Variants in DMD observed in about 807,000 individuals in gnomAD.
DMD encodes mutant dystrophin.
A neutral mutation model predicts 330.1 loss-of-function variants in DMD; 63 were observed. That is an observed-to-expected ratio of 0.19 (90% CI 0.16 to 0.24). The LOEUF is 0.24. Among genes scored for constraint, DMD ranks in the 10% least tolerant of loss-of-function variants. The probability of loss-of-function intolerance (pLI) is 1.00; values close to 1 mark genes in which losing one functional copy is unlikely to be tolerated. For missense variants in DMD, 3,344 were observed against 2,684.1 expected, an observed-to-expected ratio of 1.25 and a Z score of -5.43; for synonymous variants, 1,223 against 959.8, an observed-to-expected ratio of 1.27 and a Z score of -5.07.
At chrX:32,738,448 T>G (rs1490801377) in intron 7 of DMD, among the ~76,000 whole-genome samples, 1 of 111,781 alleles carries the variant, frequency 8.9e-6, no homozygotes, top group Non-Finnish European at 1.9e-5. Flanking sequence ...GCTTCTACAT[T>G]TTAATGTACA....
intron 1 of DMD, among the ~76,000 whole-genome samples, chrX:33,206,511 A>G (rs1218215702): frequency 9.0e-6 from 1 of 111,610 alleles, no homozygotes; most frequent in Non-Finnish European, 1.9e-5. Flanking sequence ...AGAAGGCAAA[A>G]GATCACAAAA....
At chrX:33,119,493 C>T (rs766022633) in intron 1 of DMD, among the ~76,000 whole-genome samples, 4 of 111,928 alleles carry the variant, frequency 3.6e-5, no homozygotes, top group South Asian at 3.7e-4. Context: ...TATTCAGTGG[C>T]GATCAAGGCA....
At chrX:31,347,234 A>G (rs1406723435) in intron 61 of DMD, among the ~76,000 whole-genome samples, 10 of 110,400 alleles carry the variant, frequency 9.1e-5, no homozygotes, top group African/African-American at 3.3e-4. Context: ...TCATTTGTCT[A>G]TGTATTGGGA....
Position 32,348,411 on chromosome X carries a change from C to A in DMD, c.5443G>T (p.Asp1815Tyr), listed in dbSNP as rs759794196. The change falls in exon 38 of 79, where the codon GAT becomes TAT. Residue 1815 changes from aspartate (D) to tyrosine (Y), a missense_variant. By Grantham distance (160) the Asp-to-Tyr change is radical. Coordinates refer to ENST00000357033, the MANE Select transcript of DMD (RefSeq NM_004006.3). ...VNLKEEDFNK[D>Y]MNEDNEGTVK... is the part of the protein sequence containing the mutation. ...TTTTATCACAACCAATTTACCATAT[C>A]TTTATTGAAGTCTTCCTCTTTCAGA... 3 of 1,206,441 alleles carry A rather than the reference C, an allele frequency of 2.5e-6. No homozygotes were observed. The highest frequency in any genetic ancestry group is 3.4e-6 in the Non-Finnish European group (3 of 892,825).
chrX:32,893,305 T>G (rs2085387094), intron 2 of DMD, among the ~76,000 whole-genome samples: 1 of 112,134 alleles, frequency 8.9e-6, no homozygotes, highest in South Asian at 3.7e-4. Context: ...CTGTTCAATG[T>G]AACACAAAAG....
At chrX:32,523,074 GA>G (rs1569565293) in intron 17 of DMD, among the ~76,000 whole-genome samples, 2 of 112,008 alleles carry the variant, frequency 1.8e-5, no homozygotes, top group Non-Finnish European at 3.8e-5. Flanking sequence ...ACAGCTGAAA[GA>G]AATCTGCTGA....
At chrX:32,828,756 T>C (rs892904187) in intron 4 of DMD, among the ~76,000 whole-genome samples, 14 of 111,029 alleles carry the variant, frequency 1.3e-4, no homozygotes, top group Non-Finnish European at 1.7e-4. Context: ...TTAACCAGAA[T>C]GTATAAGAAT....
intron 33 of DMD, among the ~76,000 whole-genome samples, chrX:32,382,978 T>C (rs1488797909): frequency 9.0e-6 from 1 of 111,225 alleles, no homozygotes; most frequent in Non-Finnish European, 1.9e-5. Context: ...TTAGTAGTCA[T>C]TGTTTCACGA....
chrX:31,712,175 A>G (rs746690683), intron 52 of DMD, among the ~76,000 whole-genome samples: 1 of 112,101 alleles, frequency 8.9e-6, no homozygotes, highest in East Asian at 2.8e-4. Context: ...TGGCAGGAAA[A>G]TGCCAAAAAA....
At chrX:32,671,337 C>T (rs1335615270) in intron 9 of DMD, among the ~76,000 whole-genome samples, 2 of 110,678 alleles carry the variant, frequency 1.8e-5, no homozygotes, top group Admixed American at 9.7e-5. Flanking sequence ...ACTATAACTT[C>T]GATTTTTAAA....
intron 76 of DMD, among the ~76,000 whole-genome samples, chrX:31,134,523 A>C (rs1254874459): frequency 2.7e-5 from 3 of 109,370 alleles, no homozygotes; most frequent in Non-Finnish European, 5.7e-5. Context: ...CCCAGGTTCA[A>C]ACGATTCTTC....
chrX:31,594,087 T>C (rs2077002273), intron 55 of DMD, among the ~76,000 whole-genome samples: 1 of 111,347 alleles, frequency 9.0e-6, no homozygotes, highest in Admixed American at 9.5e-5. Flanking sequence ...TCAATTTTTA[T>C]ACTACTGACA....
At chrX:31,710,496 C>A (rs934108304) in intron 52 of DMD, among the ~76,000 whole-genome samples, 1 of 111,144 alleles carries the variant, frequency 9.0e-6, no homozygotes, top group Non-Finnish European at 1.9e-5. Context: ...TGTAGCTTTT[C>A]TCACTTAAGG....
chrX:31,140,308 A>T (rs888742033), intron 76 of DMD, among the ~76,000 whole-genome samples: 1 of 112,305 alleles, frequency 8.9e-6, no homozygotes, highest in Non-Finnish European at 1.9e-5. Flanking sequence ...ATCTAAACAA[A>T]TTATTTTCTC....
chrX:31,145,338 C>G (rs528742031), intron 76 of DMD, among the ~76,000 whole-genome samples: 15 of 111,620 alleles, frequency 1.3e-4, no homozygotes, highest in Middle Eastern at 9.2e-3. Context: ...CTTATCCATC[C>G]TTTACTATCC....
intron 1 of DMD, among the ~76,000 whole-genome samples, chrX:33,108,649 G>A (rs772513226): frequency 1.1e-4 from 12 of 105,297 alleles, no homozygotes; most frequent in African/African-American, 3.7e-4. Flanking sequence ...GCCCAGGAGG[G>A]CGGATTACCT....
At chrX:33,087,369 T>C (rs1287823140) in intron 1 of DMD, among the ~76,000 whole-genome samples, 2 of 112,522 alleles carry the variant, frequency 1.8e-5, no homozygotes, top group Non-Finnish European at 3.7e-5. Flanking sequence ...ATCTAGCATT[T>C]AGTTCATATG....
Position 32,364,563 on chromosome X carries a change from T to G in DMD, c.5154+19A>C, listed in dbSNP as rs979975536. 23 of 1,207,905 alleles carry G rather than the reference T, an allele frequency of 1.9e-5. No homozygotes were observed. Among genetic ancestry groups the G allele is most frequent in the Non-Finnish European group, 2.5e-5 (22 of 893,539 alleles). Reference sequence around the variant, plus strand: ...CTGGTGTACAATTTGGACATTACTTTTCATATTTTATTTGCTACCTTAAGC... The same window carrying G: ...CTGGTGTACAATTTGGACATTACTTGTCATATTTTATTTGCTACCTTAAGC... On this transcript the variant is annotated intron_variant, in intron 36 of 78. Transcript: ENST00000357033.
intron 44 of DMD, among the ~76,000 whole-genome samples, chrX:32,075,481 G>T (rs778976963): frequency 3.6e-5 from 4 of 111,747 alleles, no homozygotes; most frequent in Non-Finnish European, 5.6e-5. Context: ...AACAAAACAT[G>T]CAGATACTTA....
Sources: allele counts gnomAD v4.1 joint callset (sites outside exome capture counted in the v4.1 genomes callset), GRCh38; gene constraint gnomAD v4.1.1; transcripts MANE v1.5; gene names NCBI Gene and HGNC (gene_info 2026-07-23, HGNC 2026-07-21).